Variants in DOCK5 observed in about 807,000 individuals in gnomAD.
The protein encoded by DOCK5 is dedicator of cytokinesis 5.
A neutral mutation model predicts 251.8 loss-of-function variants in DOCK5; 142 were observed. That is an observed-to-expected ratio of 0.56 (90% CI 0.49 to 0.65). DOCK5 has a LOEUF of 0.65. Among genes scored for constraint, DOCK5 ranks in the 30% least tolerant of loss-of-function variants. The pLI, the probability that DOCK5 is intolerant of heterozygous loss-of-function variation, is 0.00. For missense variants in DOCK5, 2,111 were observed against 2,312.3 expected (o/e 0.91, Z 1.79); for synonymous variants, 842 against 835.5 (o/e 1.01, Z -0.13).
At chr8:25,189,428 A>C (rs1801519624) in intron 1 of DOCK5, among the ~76,000 whole-genome samples, 1 of 151,720 alleles carries the variant, frequency 6.6e-6, no homozygotes, top group Non-Finnish European at 1.5e-5. Context: ...TGGCAAAATC[A>C]TGGCTCACTG....
chr8:25,357,667 C>T (rs1380497153), intron 27 of DOCK5, among the ~76,000 whole-genome samples: 3 of 151,944 alleles, frequency 2.0e-5, no homozygotes, highest in African/African-American at 7.2e-5. Context: ...TGTGAACCAC[C>T]CCACCAGGCC....
chr8:25,411,050 A>G (rs1291000700), intron 51 of DOCK5, 144 bp from the exon 52 acceptor site: 15 of 1,091,736 alleles, frequency 1.4e-5, no homozygotes, highest in Non-Finnish European at 1.9e-5. Context: ...AAGTCAGTGT[A>G]GTTTTCCATT....
At chr8:25,401,911 C>T (rs921244020) in intron 47 of DOCK5, among the ~76,000 whole-genome samples, 3 of 152,190 alleles carry the variant, frequency 2.0e-5, no homozygotes, top group Non-Finnish European at 2.9e-5. Flanking sequence ...TTGTGAATTA[C>T]ATTTCATATG....
rs1303477789 is a variant in DOCK5 at position 25,415,095 on chromosome 8, C to A, written c.*3797C>A. On this transcript the variant is annotated 3_prime_UTR_variant, in exon 52 of 52. Coordinates refer to ENST00000276440, the MANE Select transcript of DOCK5 (RefSeq NM_024940.8). Reference sequence around the variant, plus strand: ...TTATCATCCCAGGTGGTGCTTTGACCCTGCCATACCCTGGCTATTAAGATA... The same window carrying A: ...TTATCATCCCAGGTGGTGCTTTGACACTGCCATACCCTGGCTATTAAGATA... The A allele has an allele frequency of 1.3e-5, 2 of 151,852 alleles. No individual in the cohort carries two copies. Among genetic ancestry groups the A allele is most frequent in the African/African-American group, 4.8e-5 (2 of 41,354 alleles). The allele number at this position is 151,852 out of a possible 1,614,324, so 9.4% of individuals were successfully genotyped here. A position where few individuals can be genotyped will look rare whatever the true frequency, so the allele number is the denominator to read the frequency against.
chr8:25,211,624 T>G (rs139106839), intron 1 of DOCK5, among the ~76,000 whole-genome samples: 1,273 of 66,450 alleles, frequency 0.019, 545 homozygotes, highest in Non-Finnish European at 0.046. Context: ...CTAGGCAACA[T>G]AGAGAGACCA....
chr8:25,323,987 C>G (rs780828658), intron 17 of DOCK5, 36 bp downstream of exon 17: 5 of 1,545,218 alleles, frequency 3.2e-6, no homozygotes, highest in Non-Finnish European at 4.4e-6. Flanking sequence ...AAAAATACTC[C>G]CTTTCAAATG....
intron 13 of DOCK5, 78 bp downstream of exon 13, chr8:25,310,610 G>T: frequency 6.8e-7 from 1 of 1,467,028 alleles, no homozygotes. Context: ...GAGGCAACTT[G>T]GATCCAGAAG....
rs772382334 is a variant in DOCK5 at position 25,292,040 on chromosome 8, T to C, written c.338T>C (p.Leu113Pro). ...RKLYVNNKLT[L>P]FRQLQQMTYS... ...TCATCTTAGAACAACAAGCTCACCC[T>C]CTTCCGCCAGCTGCAGCAGATGACG... The change falls in exon 6 of 52, where the codon CTC becomes CCC. Residue 113 changes from leucine (L) to proline (P), a missense_variant. By Grantham distance (98) the Leu-to-Pro change is moderately conservative (BLOSUM62 -3). Coordinates refer to ENST00000276440, the MANE Select transcript of DOCK5 (RefSeq NM_024940.8). 4.4e-6 allele frequency: 7 copies of C among 1,598,974 alleles called. No homozygotes were observed. Among genetic ancestry groups the C allele is most frequent in the Middle Eastern group, 1.7e-4 (1 of 6,044 alleles).
chr8:25,272,770 C>G (rs548227347), intron 3 of DOCK5, among the ~76,000 whole-genome samples: 125 of 152,222 alleles, frequency 8.2e-4, no homozygotes, highest in African/African-American at 2.9e-3. Context: ...TAAGTACATT[C>G]TCATTGTTGT....
chr8:25,392,538 G>A lies in DOCK5; in HGVS notation c.4441-258G>A, dbSNP rs113167246. On this transcript the variant is annotated intron_variant, in intron 43 of 51. Coordinates refer to ENST00000276440, the MANE Select transcript of DOCK5 (RefSeq NM_024940.8). ...GGCCTGCTGCTTGTAATGACCTTGG[G>A]CTAGTCATACCTCTCTAGACCTCAC... Among the ~76,000 whole-genome samples, 129 of 152,236 alleles carry A rather than the reference G, an allele frequency of 8.5e-4. 1 individual carries two copies. Among genetic ancestry groups the A allele is most frequent in the African/African-American group, 2.9e-3 (122 of 41,560 alleles).
chr8:25,202,378 C>G (rs1764524204), intron 1 of DOCK5, among the ~76,000 whole-genome samples: 1 of 152,130 alleles, frequency 6.6e-6, no homozygotes, highest in Non-Finnish European at 1.5e-5. Context: ...TTCTTCTGAT[C>G]CTGTGCTTTT....
intron 18 of DOCK5, among the ~76,000 whole-genome samples, chr8:25,327,164 C>T (rs1034128070): frequency 6.6e-6 from 1 of 152,150 alleles, no homozygotes; most frequent in South Asian, 2.1e-4. Flanking sequence ...AACTCACATT[C>T]GATCTATATA....
intron 5 of DOCK5, among the ~76,000 whole-genome samples, chr8:25,289,612 G>A (rs1400209770): frequency 6.6e-6 from 1 of 151,990 alleles, no homozygotes; most frequent in Non-Finnish European, 1.5e-5. Flanking sequence ...GGAGACTGAG[G>A]CAGGCGGATC....
intron 41 of DOCK5, 134 bp from the exon 42 acceptor site, chr8:25,390,072 G>T: frequency 5.1e-6 from 3 of 591,500 alleles, no homozygotes; most frequent in Admixed American, 3.4e-5. Flanking sequence ...TTTCAGTGTG[G>T]TCCTGGCATT....
chr8:25,291,631 C>T (rs559958857), intron 5 of DOCK5, among the ~76,000 whole-genome samples: 3 of 143,520 alleles, frequency 2.1e-5, no homozygotes, highest in South Asian at 2.2e-4. Context: ...TACAGTTAGC[C>T]GAGTTTGTGC....
intron 1 of DOCK5, among the ~76,000 whole-genome samples, chr8:25,195,117 C>T (rs1422642393): frequency 1.3e-5 from 2 of 151,956 alleles, no homozygotes; most frequent in Non-Finnish European, 2.9e-5. Context: ...CATGGCATTT[C>T]ATCTTGTTGA....
chr8:25,379,516 C>T (rs1027766164), intron 38 of DOCK5, among the ~76,000 whole-genome samples: 1 of 152,138 alleles, frequency 6.6e-6, no homozygotes, highest in Non-Finnish European at 1.5e-5. Context: ...CGCTGTTATT[C>T]TGTTCTTTTT....
intron 1 of DOCK5, among the ~76,000 whole-genome samples, chr8:25,237,504 G>C (rs956090030): frequency 6.6e-6 from 1 of 152,138 alleles, no homozygotes; most frequent in Non-Finnish European, 1.5e-5. Flanking sequence ...ATAATCCCAG[G>C]ACTTCAGTTT....
chr8:25,315,605 G>A (rs938326696), intron 13 of DOCK5, among the ~76,000 whole-genome samples: 4 of 152,208 alleles, frequency 2.6e-5, no homozygotes, highest in African/African-American at 7.2e-5. Flanking sequence ...CTTGGAAATC[G>A]AGACTGTTTC....
Sources: allele counts gnomAD v4.1 joint callset (sites outside exome capture counted in the v4.1 genomes callset), GRCh38; gene constraint gnomAD v4.1.1; transcripts MANE v1.5; gene names NCBI Gene and HGNC (gene_info 2026-07-23, HGNC 2026-07-21).